The following CEP83 variants were observed in gnomAD, a reference collection of about 807,000 sequenced individuals.
CEP83 encodes centrosomal protein of 83 kDa.
CEP83 carries 70 observed loss-of-function variants against 101.9 expected under a neutral mutation model. That is an observed-to-expected ratio of 0.69 (90% CI 0.57 to 0.84). The LOEUF is 0.84. Ranked by LOEUF, CEP83 falls within the 40% of genes least tolerant of loss-of-function variation. The pLI is 0.00. For missense variants in CEP83, 715 were observed against 787.2 expected (o/e 0.91, Z 1.10); for synonymous variants, 264 against 267.9 (o/e 0.99, Z 0.14).
At chr12:94,434,254 G>A (rs954223484) in intron 2 of CEP83, among the ~76,000 whole-genome samples, 1 of 151,866 alleles carries the variant, frequency 6.6e-6, no homozygotes, top group Non-Finnish European at 1.5e-5. Context: ...TAATACAAGA[G>A]ATACACAATC....
At chr12:94,315,354 T>A (rs989512771) in intron 14 of CEP83, among the ~76,000 whole-genome samples, 1 of 152,184 alleles carries the variant, frequency 6.6e-6, no homozygotes, top group Non-Finnish European at 1.5e-5. Flanking sequence ...CATCTTTTTT[T>A]ATGCATGTTA....
the CEP83 span, chr12:94,297,182 C>T: frequency 6.2e-7 from 1 of 1,613,800 alleles, no homozygotes; most frequent in Non-Finnish European, 8.5e-7. Flanking sequence ...CTTTCTCTGG[C>T]ATTCAGATGT....
intron 11 of CEP83, among the ~76,000 whole-genome samples, chr12:94,347,050 AATAT>A (rs137940620): frequency 7.6e-6 from 1 of 132,012 alleles, no homozygotes. Context: ...AAAATAAACA[AATAT>A]ATATATATAT....
the CEP83 span, among the ~76,000 whole-genome samples, chr12:94,283,140 C>T: frequency 7.5e-6 from 1 of 133,246 alleles, no homozygotes; most frequent in Non-Finnish European, 1.6e-5. Context: ...GCCTGCAGCC[C>T]TGGGGAAGGA....
downstream of CEP83, among the ~76,000 whole-genome samples, chr12:94,301,526 C>T (rs76935003): frequency 1.3e-4 from 20 of 152,218 alleles, no homozygotes; most frequent in East Asian, 3.7e-3. Context: ...GTACTGTTTT[C>T]CTATGGTTTT....
intron 15 of CEP83, 29 bp downstream of exon 15, chr12:94,312,885 T>C (rs775521418): frequency 1.6e-5 from 21 of 1,300,840 alleles, no homozygotes; most frequent in Middle Eastern, 3.7e-4. Context: ...AATAACCACA[T>C]GGGGAAGATA....
chr12:94,328,343 T>C, intron 14 of CEP83: 1 of 284,168 alleles, frequency 3.5e-6, no homozygotes, highest in Non-Finnish European at 7.1e-6. Flanking sequence ...AAAACATCAT[T>C]TACACCAAAG....
At chr12:94,442,868 ATC>A (rs1327808829) in intron 1 of CEP83, among the ~76,000 whole-genome samples, 3 of 152,076 alleles carry the variant, frequency 2.0e-5, no homozygotes, top group East Asian at 3.8e-4. Context: ...ATTCTTCTTC[ATC>A]TGTTTGTTGA....
chr12:94,314,192 A>G (rs1970310265), intron 14 of CEP83, among the ~76,000 whole-genome samples: 2 of 152,226 alleles, frequency 1.3e-5, no homozygotes, highest in Non-Finnish European at 2.9e-5. Context: ...TTTAGTCGCT[A>G]CAAACCTTTT....
chr12:94,363,338 A>G (rs11107518), intron 11 of CEP83, among the ~76,000 whole-genome samples: 26,592 of 152,182 alleles, frequency 0.17, 2,854 homozygotes, highest in Non-Finnish European at 0.23. Flanking sequence ...AAAACATGAA[A>G]TAAGTGCTGG....
intron 1 of CEP83, among the ~76,000 whole-genome samples, chr12:94,446,278 T>C (rs888687736): frequency 6.6e-6 from 1 of 152,252 alleles, no homozygotes; most frequent in African/African-American, 2.4e-5. Context: ...TGGGTCTTTA[T>C]TTAGAAGTTT....
At chr12:94,372,658 T>C (rs1388880016) in intron 8 of CEP83, among the ~76,000 whole-genome samples, 1 of 152,214 alleles carries the variant, frequency 6.6e-6, no homozygotes, top group Non-Finnish European at 1.5e-5. Flanking sequence ...TTATTTCTTA[T>C]TCATTTCACC....
chr12:94,400,336 C>T (rs549564044), intron 6 of CEP83, among the ~76,000 whole-genome samples: 2 of 152,232 alleles, frequency 1.3e-5, no homozygotes, highest in East Asian at 3.9e-4. Flanking sequence ...GGAATGTATG[C>T]TGTAGGCAGC....
chr12:94,303,245 A>G (rs1171671374), downstream of CEP83, among the ~76,000 whole-genome samples: 2 of 152,198 alleles, frequency 1.3e-5, no homozygotes, highest in Non-Finnish European at 2.9e-5. Flanking sequence ...GATGATGTCT[A>G]TAATCTAATG....
the CEP83 span, among the ~76,000 whole-genome samples, chr12:94,289,234 T>C: frequency 6.6e-6 from 1 of 152,216 alleles, no homozygotes; most frequent in Non-Finnish European, 1.5e-5. Context: ...AAGTTGTTGA[T>C]ATGGGTCTTT....
intron 2 of CEP83, 102 bp from the exon 3 acceptor site, chr12:94,412,693 C>CTTTTTTTTTTTTTTTTTTTTTTTTT (rs11330562): frequency 1.9e-5 from 4 of 206,232 alleles, no homozygotes; most frequent in East Asian, 1.5e-4. Flanking sequence ...TTTTTTTTTT[C>CTTTTTTTTTTTTTTTTTTTTTTTTT]TTTTTTTTTT....
chr12:94,412,641 A>G, intron 2 of CEP83, 50 bp from the exon 3 acceptor site: 1 of 554,928 alleles, frequency 1.8e-6, no homozygotes, highest in South Asian at 2.7e-5. Flanking sequence ...AGTAAACGTA[A>G]GCCTCCTTTA....
intron 2 of CEP83, among the ~76,000 whole-genome samples, chr12:94,434,682 T>C (rs914968053): frequency 1.3e-5 from 2 of 152,254 alleles, no homozygotes; most frequent in Non-Finnish European, 2.9e-5. Flanking sequence ...TTTTTTCAGA[T>C]TTTAGAATAT....
chr12:94,446,037 A>G (rs1349657277), intron 1 of CEP83, among the ~76,000 whole-genome samples: 1 of 152,262 alleles, frequency 6.6e-6, no homozygotes, highest in African/African-American at 2.4e-5. Flanking sequence ...CACTCTTATC[A>G]AGCCTGCCAT....
Sources: allele counts gnomAD v4.1 joint callset (sites outside exome capture counted in the v4.1 genomes callset), GRCh38; gene constraint gnomAD v4.1.1; transcripts MANE v1.5; gene names NCBI Gene and HGNC (gene_info 2026-07-23, HGNC 2026-07-21).